The following SPTBN1 variants were observed in gnomAD, a reference collection of about 807,000 sequenced individuals.
SPTBN1 encodes spectrin beta chain, non-erythrocytic 1.
A neutral mutation model predicts 266.4 loss-of-function variants in SPTBN1; 32 were observed. The observed-to-expected ratio is 0.12, with a 90% CI of 0.09 to 0.16. SPTBN1 has a LOEUF of 0.16. Ranked by LOEUF, SPTBN1 falls within the 10% of genes least tolerant of loss-of-function variation. SPTBN1 has a pLI of 1.00. For synonymous variants in SPTBN1, 1,336 were observed against 1,162.2 expected (o/e 1.15, Z -3.04); for missense variants, 2,296 against 3,067.1 (o/e 0.75, Z 5.94).
intron 2 of SPTBN1, among the ~76,000 whole-genome samples, chr2:54,588,052 G>A (rs558253847): frequency 3.9e-5 from 6 of 152,158 alleles, no homozygotes; most frequent in Admixed American, 3.3e-4. Context: ...TAACAAATGG[G>A]ATGTGGGATC....
At chr2:54,633,089 C>T (rs916079209) in intron 17 of SPTBN1, among the ~76,000 whole-genome samples, 1 of 152,186 alleles carries the variant, frequency 6.6e-6, no homozygotes, top group African/African-American at 2.4e-5. Context: ...TGAGGATTAA[C>T]ACACGCTTGT....
chr2:54,488,206 G>T (rs1668507946), intron 1 of SPTBN1, among the ~76,000 whole-genome samples: 2 of 151,982 alleles, frequency 1.3e-5, no homozygotes, highest in South Asian at 2.1e-4. Flanking sequence ...GGTGATTTTG[G>T]TGACCATCCA....
intron 2 of SPTBN1, among the ~76,000 whole-genome samples, chr2:54,582,871 T>G (rs1446944410): frequency 6.6e-6 from 1 of 152,182 alleles, no homozygotes; most frequent in African/African-American, 2.4e-5. Context: ...ACTGAATTTT[T>G]CTAGGCTTGA....
At chr2:54,648,539 C>T (rs1680063183) in intron 24 of SPTBN1, among the ~76,000 whole-genome samples, 1 of 152,182 alleles carries the variant, frequency 6.6e-6, no homozygotes, top group Non-Finnish European at 1.5e-5. Context: ...CCAGAGAATG[C>T]AAGACCACTC....
At chr2:54,661,117 C>T (rs1681013843) in intron 32 of SPTBN1, 1 of 985,274 alleles carries the variant, frequency 1.0e-6, no homozygotes, top group Non-Finnish European at 1.2e-6. Flanking sequence ...GATTAATCTT[C>T]TGATTCATTG....
intron 1 of SPTBN1, among the ~76,000 whole-genome samples, chr2:54,516,723 C>A (rs1558796805): frequency 6.6e-6 from 1 of 152,194 alleles, no homozygotes; most frequent in Non-Finnish European, 1.5e-5. Context: ...AGACAAGTCT[C>A]AGTCAATTTA....
chr2:54,630,582 C>G (rs1407488979), intron 15 of SPTBN1, among the ~76,000 whole-genome samples: 5 of 152,340 alleles, frequency 3.3e-5, no homozygotes, highest in African/African-American at 1.2e-4. Flanking sequence ...TTAATTGACT[C>G]TGGGAATGGA....
intron 19 of SPTBN1, 71 bp downstream of exon 19, chr2:54,643,200 G>A: frequency 6.3e-7 from 1 of 1,586,562 alleles, no homozygotes; most frequent in Non-Finnish European, 8.6e-7. Context: ...TTTTTATTTA[G>A]CACATTTTCC....
intron 24 of SPTBN1, among the ~76,000 whole-genome samples, 158 bp from the exon 25 acceptor site, chr2:54,648,828 C>G (rs1680082982): frequency 6.6e-6 from 1 of 152,174 alleles, no homozygotes; most frequent in South Asian, 2.1e-4. Context: ...TGGCCAATTT[C>G]AGAATTTTAT....
rs1455486665 is a variant in SPTBN1 at position 54,569,484 on chromosome 2, T to A, written c.149-29608T>A. 2.0e-5 allele frequency among the ~76,000 whole-genome samples: 3 copies of A among 152,224 alleles called. No homozygotes were observed. The East Asian group carries it at 5.8e-4, about 29-fold the overall frequency. Reference sequence around the variant, plus strand: ...CTACAAATTTTAACTTTCCAATAGTTAATATATATAAGCACACACATATAC... The same window carrying A: ...CTACAAATTTTAACTTTCCAATAGTAAATATATATAAGCACACACATATAC... On this transcript the variant is annotated intron_variant, in intron 2 of 35. Transcript: ENST00000356805.
chr2:54,464,327 A>G (rs898440741), intron 1 of SPTBN1, among the ~76,000 whole-genome samples: 2 of 152,230 alleles, frequency 1.3e-5, no homozygotes, highest in Non-Finnish European at 2.9e-5. Flanking sequence ...GTAGGGTGGA[A>G]TTCAATGTAG....
At chr2:54,620,494 A>G (rs1318535828) in intron 7 of SPTBN1, among the ~76,000 whole-genome samples, 1 of 152,210 alleles carries the variant, frequency 6.6e-6, no homozygotes, top group African/African-American at 2.4e-5. Context: ...TTTGATTCAG[A>G]GATACAGTGC....
chr2:54,465,358 A>G (rs539743571), intron 1 of SPTBN1, among the ~76,000 whole-genome samples: 1 of 152,268 alleles, frequency 6.6e-6, no homozygotes, highest in East Asian at 1.9e-4. Context: ...TGGAAACCTA[A>G]ACACTGCTAC....
At chr2:54,615,734 G>A (rs1421410556) in intron 4 of SPTBN1, among the ~76,000 whole-genome samples, 1 of 152,172 alleles carries the variant, frequency 6.6e-6, no homozygotes, top group African/African-American at 2.4e-5. Flanking sequence ...GGCTTATGAA[G>A]GCACACCATG....
intron 9 of SPTBN1, among the ~76,000 whole-genome samples, chr2:54,622,896 T>C (rs564281317): frequency 1.3e-5 from 2 of 152,332 alleles, no homozygotes; most frequent in Admixed American, 1.3e-4. Context: ...TAGCAAAATG[T>C]GTAAATATTC....
chr2:54,618,489 G>A (rs1677780394), intron 7 of SPTBN1, among the ~76,000 whole-genome samples: 1 of 152,222 alleles, frequency 6.6e-6, no homozygotes, highest in Non-Finnish European at 1.5e-5. Flanking sequence ...ACAATTCAAT[G>A]GGAATGGTGT....
chr2:54,649,286 G>T lies in SPTBN1; in HGVS notation c.5202+96G>T. On this transcript the variant is annotated intron_variant, in intron 25 of 35. Transcript: ENST00000356805. The surrounding 1 kb of genome is among the most constrained non-coding windows in gnomAD (Gnocchi z 6.7). ...TGTCTGTGAGCAGATAAAATGCCCTGGACTCCAATCAGAGGTCTTGGGGTT... is the reference window on the plus strand; with the variant it reads ...TGTCTGTGAGCAGATAAAATGCCCTTGACTCCAATCAGAGGTCTTGGGGTT... 1.5e-6 allele frequency: 2 copies of T among 1,331,450 alleles called. No individual in the cohort carries two copies. The highest frequency in any genetic ancestry group is 2.0e-6 in the Non-Finnish European group (2 of 975,848). 82.5% of individuals were successfully genotyped at this position (1,331,450 alleles called of 1,614,324 possible).
At chr2:54,638,760 C>G (rs946141257) in intron 18 of SPTBN1, among the ~76,000 whole-genome samples, 8 of 152,096 alleles carry the variant, frequency 5.3e-5, no homozygotes, top group Non-Finnish European at 1.2e-4. Flanking sequence ...CCACAAAAAG[C>G]TGCAGGAACC....
rs767432819 is a variant in SPTBN1 at position 54,649,848 on chromosome 2, C to T, written c.5436C>T (p.His1812=). Residue 1812 remains histidine, a synonymous_variant, in exon 26 of 36, where the codon CAC becomes CAT. Transcript: ENST00000356805. This position sits in a 1 kb window ranked among gnomAD's most constrained non-coding sequence, Gnocchi z 6.7. The stretch of plus-strand genomic sequence containing the variant: ...CCTATGAACTGCACAAGTTTTACCA[C>T]GATGCCAAGGAGATCTTTGGGCGTA... ...AASYELHKFY[H]DAKEIFGRIQ... is the part of the protein sequence containing the mutation. 7.4e-6 allele frequency: 12 copies of T among 1,614,076 alleles called. No individual in the cohort carries two copies. The highest frequency in any genetic ancestry group is 3.4e-6 in the Non-Finnish European group (4 of 1,180,044).
Sources: gnomAD v4.1 joint callset for allele counts (sites outside exome capture counted in the v4.1 genomes callset) on GRCh38, gnomAD v4.1.1 for gene constraint, Gnocchi (gnomAD v3.1) non-coding constraint, MANE v1.5 for transcripts, NCBI Gene and HGNC (gene_info 2026-07-23, HGNC 2026-07-21) for gene names.